The following LAMA3 variants were observed in gnomAD, a reference collection of about 807,000 sequenced individuals.
The protein encoded by LAMA3 is laminin subunit alpha 3.
A neutral mutation model predicts 402.0 loss-of-function variants in LAMA3; 281 were observed. That is an observed-to-expected ratio of 0.70 (90% confidence interval 0.63 to 0.77). LAMA3 has a LOEUF of 0.77. Ranked by LOEUF, LAMA3 falls within the 30% of genes least tolerant of loss-of-function variation. LAMA3 has a pLI of 0.00. For missense variants in LAMA3, 3,840 were observed against 4,215.5 expected (o/e 0.91, Z 2.47); for synonymous variants, 1,431 against 1,558.4 (o/e 0.92, Z 1.93).
intron 32 of LAMA3, among the ~76,000 whole-genome samples, chr18:23,850,577 A>G (rs1486488845): frequency 6.6e-6 from 1 of 152,242 alleles, no homozygotes; most frequent in Admixed American, 6.5e-5. Flanking sequence ...CTCTGATTGT[A>G]TCACGGACTA....
Position 23,867,749 on chromosome 18 carries a change from C to T in LAMA3, c.4684-85C>T, listed in dbSNP as rs529785979. On this transcript the variant is annotated intron_variant, in intron 36 of 74. Transcript: ENST00000313654. ...AGTCAGGTATGTCATATGATGTAGACCATAGAAATGTTTTCTTAGATCAGT... is the reference window on the plus strand; with the variant it reads ...AGTCAGGTATGTCATATGATGTAGATCATAGAAATGTTTTCTTAGATCAGT... The T allele has an allele frequency of 1.3e-5, 13 of 1,027,716 alleles. No homozygotes were observed. The East Asian group carries it at 2.9e-4, about 23-fold the overall frequency. 63.7% of individuals were successfully genotyped at this position (1,027,716 alleles called of 1,614,324 possible).
In LAMA3 at chr18:23,932,287, C is replaced by A. The variant is rs1369797671; in HGVS notation, c.8704C>A (p.Gln2902Lys). 1 of 1,613,838 alleles carries A rather than the reference C, an allele frequency of 6.2e-7. No homozygotes were observed. Among genetic ancestry groups the A allele is most frequent in the Non-Finnish European group, 8.5e-7 (1 of 1,179,776 alleles). ...FEGCISNVFV[Q>K]RLSLSPEVLD... is the part of the protein sequence containing the mutation. ...GGGTTGTATTAGCAATGTTTTTGTC[C>A]AGAGGTAGGTGATCCTCTCTTTGTG... The change falls in exon 66 of 75, where the codon CAG (glutamine) becomes AAG (lysine). Residue 2902 changes from glutamine to lysine, a missense_variant. By Grantham distance (53) the Gln-to-Lys change is moderately conservative (BLOSUM62 1). This residue lies in a region of LAMA3 where 840 missense variants were observed against 981.9 expected (regional missense o/e 0.86). Transcript: ENST00000313654.
intron 47 of LAMA3, among the ~76,000 whole-genome samples, chr18:23,900,864 A>T (rs1259379185): frequency 2.0e-5 from 3 of 152,214 alleles, no homozygotes; most frequent in African/African-American, 7.2e-5. Context: ...ACCTTGGGTC[A>T]GTCCTCTCAT....
At chr18:23,851,065 A>G (rs1225599892) in intron 32 of LAMA3, among the ~76,000 whole-genome samples, 1 of 152,232 alleles carries the variant, frequency 6.6e-6, no homozygotes, top group East Asian at 1.9e-4. Flanking sequence ...AGAAAAGGTC[A>G]TCGACTTGGT....
At chr18:23,718,113 G>GA (rs1322040600) in intron 2 of LAMA3, among the ~76,000 whole-genome samples, 1 of 152,126 alleles carries the variant, frequency 6.6e-6, no homozygotes, top group East Asian at 1.9e-4. Context: ...TTTAAAAGGA[G>GA]AATCTTTGGA....
chr18:23,826,768 C>A lies in LAMA3; in HGVS notation c.2638C>A (p.Pro880Thr). 6.4e-7 allele frequency: 1 copy of A among 1,566,884 alleles called. No homozygotes were observed. The highest frequency in any genetic ancestry group is 8.7e-7 in the Non-Finnish European group (1 of 1,153,996). The change falls in exon 22 of 75, where the codon CCA becomes ACA. Residue 880 changes from proline (P) to threonine (T), a missense_variant. Around this residue, in one of 3 missense-constraint regions of LAMA3, gnomAD observed 2,109 missense variants for 2,376.0 expected, o/e 0.89. Coordinates refer to ENST00000313654, the MANE Select transcript of LAMA3 (RefSeq NM_198129.4). ...TGTACTGCAGCTGCCAGTCACAGAA[C>A]CATGTGCCTACGCAGGACCTCCCCA... ...ASVLQLPVTE[P>T]CAYAGPPQEN...
chr18:23,846,018 T>C (rs1178343332), intron 30 of LAMA3, among the ~76,000 whole-genome samples: 2 of 152,186 alleles, frequency 1.3e-5, no homozygotes, highest in East Asian at 1.9e-4. Flanking sequence ...ACATAACATA[T>C]AGTTCATCTT....
At chr18:23,752,142 A>G (rs1447395894) in intron 5 of LAMA3, among the ~76,000 whole-genome samples, 2 of 151,948 alleles carry the variant, frequency 1.3e-5, no homozygotes, top group Non-Finnish European at 2.9e-5. Flanking sequence ...TATCTTTTGT[A>G]TTTTTTTGCT....
intron 11 of LAMA3, among the ~76,000 whole-genome samples, chr18:23,780,849 G>A (rs1234520779): frequency 6.6e-6 from 1 of 152,266 alleles, no homozygotes; most frequent in South Asian, 2.1e-4. Flanking sequence ...CAGGCATTGG[G>A]TCACTGTCAA....
intron 12 of LAMA3, among the ~76,000 whole-genome samples, chr18:23,796,763 C>T (rs1413866799): frequency 2.0e-5 from 3 of 151,964 alleles, no homozygotes; most frequent in African/African-American, 7.3e-5. Flanking sequence ...TGATCTTTAA[C>T]TCCTGAGCTC....
At chr18:23,754,218 A>G (rs2061802105) in intron 6 of LAMA3, among the ~76,000 whole-genome samples, 1 of 152,198 alleles carries the variant, frequency 6.6e-6, no homozygotes, top group Non-Finnish European at 1.5e-5. Flanking sequence ...TATTTTAACC[A>G]TTTTAAAGTG....
At chr18:23,691,099 C>A (rs1003340596) in intron 1 of LAMA3, among the ~76,000 whole-genome samples, 2 of 151,868 alleles carry the variant, frequency 1.3e-5, no homozygotes, top group African/African-American at 2.4e-5. Context: ...TGTTGAGGAA[C>A]AGGAAGTGGG....
At chr18:23,795,492 A>C (rs535512356) in intron 12 of LAMA3, among the ~76,000 whole-genome samples, 338 of 152,358 alleles carry the variant, frequency 2.2e-3, no homozygotes, top group Non-Finnish European at 4.0e-3. Flanking sequence ...TTTGAGTAAG[A>C]GTATGAGATT....
intron 34 of LAMA3, among the ~76,000 whole-genome samples, chr18:23,859,283 G>GT (rs1568265632): frequency 6.6e-6 from 1 of 152,150 alleles, no homozygotes; most frequent in Non-Finnish European, 1.5e-5. Context: ...AATGTGTGGG[G>GT]TTTTTTCTAT....
At chr18:23,932,518 TGGAAAAGACCTAATTA>T in intron 66 of LAMA3, 1 of 473,330 alleles carries the variant, frequency 2.1e-6, no homozygotes, top group Non-Finnish European at 3.9e-6. Flanking sequence ...CATGTAACCT[TGGAAAAGACCTAATTA>T]AAATTAACTT....
At chr18:23,860,067 T>C (rs1364256828) in intron 34 of LAMA3, among the ~76,000 whole-genome samples, 1 of 152,134 alleles carries the variant, frequency 6.6e-6, no homozygotes, top group Non-Finnish European at 1.5e-5. Context: ...ATCACCCCTA[T>C]CATTCAGGAA....
At chr18:23,889,577 GAAAGAAAAGAGAGAAAT>G (rs1369521177) in intron 41 of LAMA3, among the ~76,000 whole-genome samples, 2 of 148,172 alleles carry the variant, frequency 1.3e-5, no homozygotes, top group East Asian at 4.0e-4. Flanking sequence ...AAGAAAGAAA[GAAAGAAAAGAGAGAAAT>G]AAAGAAAGAA....
chr18:23,861,598 T>C (rs780092372), intron 34 of LAMA3, 48 bp from the exon 35 acceptor site: 1 of 1,610,058 alleles, frequency 6.2e-7, no homozygotes, highest in East Asian at 2.2e-5. Context: ...ACCCCAGGGA[T>C]GCCACGACCA....
At position 23,837,147 on chromosome 18, in the gene LAMA3, T is replaced by C. The variant is rs2063599431; in HGVS notation, c.3093+58T>C. On this transcript the variant is annotated intron_variant, in intron 25 of 74. Coordinates refer to ENST00000313654, the MANE Select transcript of LAMA3 (RefSeq NM_198129.4). ...AGCATTTTGCTGATATCTATATTTT[T>C]TGAAGCTTATTAAAATTTTGGCTGG... 9 of 1,200,788 alleles carry C rather than the reference T, an allele frequency of 7.5e-6. 1 individual carries two copies. In the East Asian group the frequency reaches 2.2e-4, roughly 29 times the overall value. 74.4% of individuals were successfully genotyped at this position (1,200,788 alleles called of 1,614,324 possible). A position where few individuals can be genotyped will look rare whatever the true frequency, so the allele number is the denominator to read the frequency against.
Sources: allele counts gnomAD v4.1 joint callset (sites outside exome capture counted in the v4.1 genomes callset), GRCh38; gene constraint gnomAD v4.1.1; regional missense constraint gnomAD v4.1.1; transcripts MANE v1.5; gene names NCBI Gene and HGNC (gene_info 2026-07-23, HGNC 2026-07-21).